The following PDCD2 variants were observed in gnomAD, a reference collection of about 807,000 sequenced individuals.
PDCD2 encodes uS5 assembly chaperone PDCD2.
A neutral mutation model predicts 38.1 loss-of-function variants in PDCD2; 38 were observed. The ratio of observed to expected loss-of-function variants is 1.00; its 90% CI spans 0.77 to 1.31. The LOEUF (loss-of-function observed/expected upper bound fraction) is 1.31. Among genes scored for constraint, PDCD2 ranks in the 50% most tolerant of loss-of-function variants. PDCD2 has a pLI of 0.00. For synonymous variants in PDCD2, 205 were observed against 168.9 expected, an observed-to-expected ratio of 1.21 and a Z score of -1.66; for missense variants, 473 against 435.7, an observed-to-expected ratio of 1.09 and a Z score of -0.76.
Position 170,577,504 on chromosome 6 carries a change from A to G in PDCD2, c.*55T>C. ...ATTTCCTTAGGATAAAATCCCAGAA[A>G]TGGAATTGCAAGGTATAAAAGATTA... On this transcript the variant is annotated 3_prime_UTR_variant, in exon 6 of 6. Coordinates refer to ENST00000541970, the MANE Select transcript of PDCD2 (RefSeq NM_002598.4). 4 of 1,444,736 alleles carry G rather than the reference A, an allele frequency of 2.8e-6. No homozygotes were observed. In the South Asian group the frequency reaches 4.8e-5, roughly 17 times the overall value. The allele number at this position is 1,444,736 out of a possible 1,614,324, so 89.5% of individuals were successfully genotyped here.
intron 3 of PDCD2, chr6:170,582,301 C>T (rs1216383754): frequency 6.5e-7 from 1 of 1,527,612 alleles, no homozygotes; most frequent in Non-Finnish European, 8.8e-7. Context: ...CAGAGTAAGA[C>T]TCAAAACATG....
rs1486428644 is a variant in PDCD2 at position 170,584,099 on chromosome 6, GCA to G, written c.283+198_283+199del. On this transcript the variant is annotated intron_variant, in intron 1 of 5. Transcript: ENST00000541970. ...AGCTGGGGGTTACCAATGCGCGTGGGCACAGTTAGAAGCTTATGTAGCAAAAA... is the reference window on the plus strand; with the variant it reads ...AGCTGGGGGTTACCAATGCGCGTGGGCAGTTAGAAGCTTATGTAGCAAAAA... 9.4e-6 allele frequency: 5 copies of G among 530,256 alleles called. No individual in the cohort carries two copies. The East Asian group carries it at 1.4e-4, about 15-fold the overall frequency. 32.8% of individuals were successfully genotyped at this position (530,256 alleles called of 1,614,324 possible). A position where few individuals can be genotyped will look rare whatever the true frequency, so the allele number is the denominator to read the frequency against.
intron 3 of PDCD2, chr6:170,581,968 G>A (rs1394240306): frequency 6.3e-6 from 4 of 631,632 alleles, no homozygotes; most frequent in Non-Finnish European, 9.9e-6. Context: ...CAGTTCCACA[G>A]TCACATTTAC....
rs182985220 is a variant in PDCD2 at position 170,582,797 on chromosome 6, C to T, written c.658+260G>A. 5.4e-6 allele frequency: 7 copies of T among 1,296,000 alleles called. No individual in the cohort carries two copies. The East Asian group carries it at 2.2e-4, about 42-fold the overall frequency. The allele number at this position is 1,296,000 out of a possible 1,614,324, so 80.3% of individuals were successfully genotyped here. On this transcript the variant is annotated intron_variant, in intron 3 of 5. Transcript: ENST00000541970. ...CTGCGACCCAGAGGAACTTACCAAG[C>T]CTCCAGCATCTTGTGCAGCCCTACT...
chr6:170,584,451 G>A lies in PDCD2; in HGVS notation c.131C>T (p.Pro44Leu), dbSNP rs1779746086. The change falls in exon 1 of 6, where the codon CCG (proline) becomes CTG (leucine). Residue 44 changes from proline to leucine, a missense_variant. Pro to Leu is a moderately conservative substitution (Grantham distance 98). Coordinates refer to ENST00000541970, the MANE Select transcript of PDCD2 (RefSeq NM_002598.4). ...CTCGCAGGCCAGGGCCTGGGGCCCC[G>A]GCAGCCCGGCCGCGCCCAGCCATGC... is the stretch of plus-strand genomic sequence containing the variant. ...RPAWLGAAGL[P>L]GPQALACELC... is the part of the protein sequence containing the mutation. The A allele has an allele frequency of 7.6e-7, 1 of 1,313,974 alleles. No individual in the cohort carries two copies. Among genetic ancestry groups the A allele is most frequent in the Non-Finnish European group, 9.6e-7 (1 of 1,038,276 alleles). 81.4% of individuals were successfully genotyped at this position (1,313,974 alleles called of 1,614,324 possible). A position where few individuals can be genotyped will look rare whatever the true frequency, so the allele number is the denominator to read the frequency against.
At position 170,576,083 on chromosome 6, in the gene PDCD2, G is replaced by T. The variant is rs1779445395; in HGVS notation, c.*1476C>A. 1 of 152,184 alleles carries T rather than the reference G, an allele frequency of 6.6e-6. No individual in the cohort carries two copies. The highest frequency in any genetic ancestry group is 2.1e-4 in the South Asian group (1 of 4,836). The allele number at this position is 152,184 out of a possible 1,614,324, so 9.4% of individuals were successfully genotyped here. A position where few individuals can be genotyped will look rare whatever the true frequency, so the allele number is the denominator to read the frequency against. On this transcript the variant is annotated 3_prime_UTR_variant, in exon 6 of 6. Transcript: ENST00000541970. ...AACTTACTCCAGTAGCCACAGGGCTGTGACACCATAGTTATAGGTGATTTT... is the reference window on the plus strand; with the variant it reads ...AACTTACTCCAGTAGCCACAGGGCTTTGACACCATAGTTATAGGTGATTTT...
Position 170,578,967 on chromosome 6 carries a change from G to GA in PDCD2, c.765dup (p.Leu256SerfsTer2). The GA allele has an allele frequency of 6.4e-7, 1 of 1,552,910 alleles. No individual in the cohort carries two copies. The highest frequency in any genetic ancestry group is 8.8e-7 in the Non-Finnish European group (1 of 1,141,918). On this transcript the variant is annotated frameshift_variant, in exon 5 of 6. Transcript: ENST00000541970. LOFTEE classifies it high-confidence loss of function. ...GGGGCAATACCTCTGCCATATCTAA[G>GA]AATCTAAAATCAATGAAGATCATGT...
At position 170,582,942 on chromosome 6, in the gene PDCD2, G is replaced by A. The variant is rs962294868; in HGVS notation, c.658+115C>T. ...CTGAGGCAATATCTGAAAATTGTAT[G>A]CTACAGCCTCCAAAGTGAGTCTTCC... is the stretch of plus-strand genomic sequence containing the variant. On this transcript the variant is annotated intron_variant, in intron 3 of 5. Transcript: ENST00000541970. 2.7e-6 allele frequency: 4 copies of A among 1,505,336 alleles called. No homozygotes were observed. The East Asian group carries it at 6.8e-5, about 26-fold the overall frequency. The allele number at this position is 1,505,336 out of a possible 1,614,324, so 93.2% of individuals were successfully genotyped here. A position where few individuals can be genotyped will look rare whatever the true frequency, so the allele number is the denominator to read the frequency against.
At chr6:170,581,106 C>T (rs908542315) in intron 3 of PDCD2, 4 of 152,118 alleles carry the variant, frequency 2.6e-5, no homozygotes, top group African/African-American at 9.7e-5. Context: ...ATTCAATTCT[C>T]CTTTTATTTT....
At chr6:170,577,782 C>A in intron 5 of PDCD2, 65 bp from the exon 6 acceptor site, 1 of 1,492,084 alleles carries the variant, frequency 6.7e-7, no homozygotes. Context: ...ACCTTCTCAG[C>A]CAGGATGATT....
Position 170,583,064 on chromosome 6 carries a change from C to T in PDCD2, c.651G>A (p.Gly217=), listed in dbSNP as rs766332437. 2.6e-5 allele frequency: 42 copies of T among 1,612,272 alleles called. No homozygotes were observed. The highest frequency in any genetic ancestry group is 3.1e-5 in the Non-Finnish European group (36 of 1,179,120). ...AGTCCTGAAACTGCTTACCCATGCT[C>T]CCTATAATCTCTGAGTAATCTTCCT... ...VEKEDYSEII[G]SMGEALEEEL... is the part of the protein sequence containing the mutation. The change falls in exon 3 of 6, where the codon GGG becomes GGA. Residue 217 remains glycine, a synonymous_variant. Transcript: ENST00000541970.
At chr6:170,580,180 A>G (rs374849818) in intron 3 of PDCD2, 75 bp from the exon 4 acceptor site, 39 of 812,748 alleles carry the variant, frequency 4.8e-5, no homozygotes, top group Admixed American at 2.6e-4. Context: ...TGGAGAGGGG[A>G]CCCACTTTTA....
chr6:170,577,827 A>G, intron 5 of PDCD2, 110 bp from the exon 6 acceptor site: 1 of 947,176 alleles, frequency 1.1e-6, no homozygotes, highest in Non-Finnish European at 1.6e-6. Context: ...TCATACTACA[A>G]AGCAGGATTA....
Position 170,583,567 on chromosome 6 carries a change from C to T in PDCD2, c.464G>A (p.Cys155Tyr). The T allele has an allele frequency of 1.2e-6, 2 of 1,613,786 alleles. No individual in the cohort carries two copies. Among genetic ancestry groups the T allele is most frequent in the South Asian group, 2.2e-5 (2 of 91,068 alleles). ...GTCTAGGGTCTGATGCTCCTTGCTGCAGTAATATGCTTTGTGGCATCTGGA... is the reference window on the plus strand; with the variant it reads ...GTCTAGGGTCTGATGCTCCTTGCTGTAGTAATATGCTTTGTGGCATCTGGA... ...TCSRCHKAYY[C>Y]SKEHQTLDWR... Residue 155 changes from cysteine to tyrosine, a missense_variant, in exon 2 of 6, where the codon TGC becomes TAC. Physicochemically the swap from Cys to Tyr is radical, Grantham distance 194. Transcript: ENST00000541970.
chr6:170,584,145 G>T, intron 1 of PDCD2, 154 bp downstream of exon 1: 5 of 809,598 alleles, frequency 6.2e-6, no homozygotes, highest in African/African-American at 3.6e-5. Context: ...TCCTGGAAGG[G>T]CCCGGGAGAA....
At position 170,584,587 on chromosome 6, in the gene PDCD2, G is replaced by C; in HGVS notation, c.-6C>G. Reference sequence around the variant, plus strand: ...CTGGCCCCGGCGGCAGCCATGCGGGGCGCGGGCTGGCGTGGGGCGCAGCCC... The same window carrying C: ...CTGGCCCCGGCGGCAGCCATGCGGGCCGCGGGCTGGCGTGGGGCGCAGCCC... On this transcript the variant is annotated 5_prime_UTR_variant, in exon 1 of 6. Coordinates refer to ENST00000541970, the MANE Select transcript of PDCD2 (RefSeq NM_002598.4). The C allele has an allele frequency of 7.9e-7, 1 of 1,260,054 alleles. No individual in the cohort carries two copies. The highest frequency in any genetic ancestry group is 1.0e-6 in the Non-Finnish European group (1 of 1,003,468). 78.1% of individuals were successfully genotyped at this position (1,260,054 alleles called of 1,614,324 possible).
chr6:170,577,858 T>G (rs1779487004), intron 5 of PDCD2, 141 bp from the exon 6 acceptor site: 1 of 696,810 alleles, frequency 1.4e-6, no homozygotes, highest in Non-Finnish European at 2.3e-6. Context: ...ACAATTAACA[T>G]GTTTAACAAT....
chr6:170,581,924 ACT>A (rs1779614717), intron 3 of PDCD2: 4 of 413,160 alleles, frequency 9.7e-6, no homozygotes, highest in African/African-American at 8.3e-5. Flanking sequence ...GCTTTTTAAA[ACT>A]TACTTTACTC....
At chr6:170,579,844 C>G in intron 4 of PDCD2, 158 bp downstream of exon 4, 1 of 576,244 alleles carries the variant, frequency 1.7e-6, no homozygotes, top group Non-Finnish European at 3.1e-6. Flanking sequence ...CTACATGGCC[C>G]ATCTGTGTGA....
Sources: gnomAD v4.1 joint callset for allele counts on GRCh38, gnomAD v4.1.1 for gene constraint, MANE v1.5 for transcripts, NCBI Gene and HGNC (gene_info 2026-07-23, HGNC 2026-07-21) for gene names.